Variants in COPG2 observed in about 807,000 individuals in gnomAD.
COPG2 encodes the protein coatomer subunit gamma-2.
A neutral mutation model predicts 46.3 loss-of-function variants in COPG2; 37 were observed. The observed-to-expected ratio is 0.80, with a 90% CI of 0.61 to 1.05. The LOEUF is 1.05. Ranked by LOEUF, COPG2 falls within the 50% of genes least tolerant of loss-of-function variation. The probability of loss-of-function intolerance (pLI) is 0.00; values close to 1 mark genes in which losing one functional copy is unlikely to be tolerated. For missense variants in COPG2, 427 were observed against 387.8 expected, an observed-to-expected ratio of 1.10 and a Z score of -0.85; for synonymous variants, 159 against 129.7, an observed-to-expected ratio of 1.23 and a Z score of -1.53.
chr7:130,604,107 G>C (rs1044174748), intron 9 of COPG2, among the ~76,000 whole-genome samples: 1 of 152,118 alleles, frequency 6.6e-6, no homozygotes, highest in African/African-American at 2.4e-5. Flanking sequence ...TGGAAGAGGA[G>C]GTCTTGATGT....
intron 3 of COPG2, among the ~76,000 whole-genome samples, chr7:130,666,420 G>T (rs1554461421): frequency 6.6e-6 from 1 of 152,100 alleles, no homozygotes; most frequent in Non-Finnish European, 1.5e-5. Flanking sequence ...AGGATCTCAT[G>T]AATAAAAAGG....
chr7:130,592,057 C>CA (rs1794439666), intron 9 of COPG2, among the ~76,000 whole-genome samples: 1 of 152,162 alleles, frequency 6.6e-6, no homozygotes, highest in Admixed American at 6.5e-5. Flanking sequence ...TCTGTACTAA[C>CA]AAAAAATTCT....
At chr7:130,564,040 C>A (rs1242987254) in intron 10 of COPG2, among the ~76,000 whole-genome samples, 1 of 151,652 alleles carries the variant, frequency 6.6e-6, no homozygotes, top group African/African-American at 2.4e-5. Context: ...AAATAAAATT[C>A]TTTCAAAAGT....
intron 6 of COPG2, among the ~76,000 whole-genome samples, chr7:130,616,398 G>T (rs1794949216): frequency 6.6e-6 from 1 of 151,838 alleles, no homozygotes; most frequent in African/African-American, 2.4e-5. Context: ...TCACACAGAA[G>T]AATAAAGTTT....
At chr7:130,544,813 A>C (rs1272119067) in intron 20 of COPG2, among the ~76,000 whole-genome samples, 1 of 152,142 alleles carries the variant, frequency 6.6e-6, no homozygotes, top group African/African-American at 2.4e-5. Flanking sequence ...GGAGGACGAA[A>C]GATAATAAGT....
chr7:130,620,106 C>A (rs1795013097), intron 5 of COPG2, among the ~76,000 whole-genome samples: 1 of 152,096 alleles, frequency 6.6e-6, no homozygotes, highest in South Asian at 2.1e-4. Flanking sequence ...TTTAAAAGTT[C>A]TCTTTTTTAA....
At chr7:130,631,376 T>TC (rs1795228509) in intron 5 of COPG2, among the ~76,000 whole-genome samples, 1 of 152,142 alleles carries the variant, frequency 6.6e-6, no homozygotes, top group Non-Finnish European at 1.5e-5. Flanking sequence ...CAGGCTGGTC[T>TC]CCAACTCCTG....
intron 9 of COPG2, among the ~76,000 whole-genome samples, chr7:130,609,367 T>C (rs782697258): frequency 1.3e-5 from 2 of 152,172 alleles, no homozygotes; most frequent in Non-Finnish European, 2.9e-5. Flanking sequence ...GTTTTAAAAA[T>C]GGGAGTTTCC....
At chr7:130,632,945 C>T (rs1795259388) in intron 5 of COPG2, among the ~76,000 whole-genome samples, 1 of 151,974 alleles carries the variant, frequency 6.6e-6, no homozygotes, top group Non-Finnish European at 1.5e-5. Context: ...CTCCCTGTGT[C>T]CATGTGTTCT....
At chr7:130,513,341 A>ATATATATATG (rs1215646008) in intron 20 of COPG2, among the ~76,000 whole-genome samples, 15 of 51,540 alleles carry the variant, frequency 2.9e-4, no homozygotes, top group South Asian at 6.7e-4. Context: ...ATATATATAT[A>ATATATATATG]TGTGTGTGTG....
At chr7:130,665,676 A>G (rs1796063142) in intron 3 of COPG2, among the ~76,000 whole-genome samples, 1 of 152,120 alleles carries the variant, frequency 6.6e-6, no homozygotes, top group Non-Finnish European at 1.5e-5. Context: ...TGCAAATACT[A>G]CACCATTTGT....
chr7:130,568,559 A>G (rs1303580004), intron 9 of COPG2, among the ~76,000 whole-genome samples: 3 of 152,216 alleles, frequency 2.0e-5, no homozygotes, highest in African/African-American at 4.8e-5. Context: ...CAAATTTATA[A>G]AACAATTACT....
chr7:130,507,463 G>A (rs563393562), intron 22 of COPG2, 91 bp from the exon 23 acceptor site: 2 of 752,414 alleles, frequency 2.7e-6, no homozygotes, highest in Admixed American at 1.8e-5. Context: ...TGGGGTGGAA[G>A]GGTTTGTTGG....
intron 9 of COPG2, among the ~76,000 whole-genome samples, chr7:130,573,263 G>A (rs1478574595): frequency 6.8e-6 from 1 of 148,082 alleles, no homozygotes; most frequent in Non-Finnish European, 1.5e-5. Context: ...AATTCTATCA[G>A]ATATTTAAAA....
intron 5 of COPG2, among the ~76,000 whole-genome samples, chr7:130,642,842 G>C (rs1554457559): frequency 6.6e-6 from 1 of 152,128 alleles, no homozygotes. Flanking sequence ...GGCCAACATG[G>C]TGAAACCACA....
chr7:130,546,756 A>G (rs1382040845), intron 20 of COPG2: 1 of 152,190 alleles, frequency 6.6e-6, no homozygotes, highest in African/African-American at 2.4e-5. Flanking sequence ...TTAAGCCCCA[A>G]ATGTAACTGA....
In COPG2 at chr7:130,668,614, C is replaced by T. The variant is rs782645964; in HGVS notation, c.37+18G>A. On this transcript the variant is annotated intron_variant, in intron 1 of 23. Coordinates refer to ENST00000425248, the MANE Select transcript of COPG2 (RefSeq NM_012133.6). ...GCGTCCCGCGGCTGAGGGTGGGCCT[C>T]GGAAGCCCCGCGCGTACCAGACTCC... 2 of 1,523,322 alleles carry T rather than the reference C, an allele frequency of 1.3e-6. No individual in the cohort carries two copies. Among genetic ancestry groups the T allele is most frequent in the African/African-American group, 2.9e-5 (2 of 69,010 alleles). 94.4% of individuals were successfully genotyped at this position (1,523,322 alleles called of 1,614,324 possible).
At chr7:130,588,122 C>T (rs1794319262) in intron 9 of COPG2, among the ~76,000 whole-genome samples, 1 of 150,802 alleles carries the variant, frequency 6.6e-6, no homozygotes, top group South Asian at 2.1e-4. Context: ...GTTAGAATGG[C>T]AATCATTAAA....
chr7:130,536,793 G>T (rs1031014052), intron 20 of COPG2, among the ~76,000 whole-genome samples: 1 of 152,196 alleles, frequency 6.6e-6, no homozygotes, highest in African/African-American at 2.4e-5. Flanking sequence ...GATTTCCAGC[G>T]CCTCGGTCCG....
Sources: gnomAD v4.1 joint callset for allele counts (sites outside exome capture counted in the v4.1 genomes callset) on GRCh38, gnomAD v4.1.1 for gene constraint, MANE v1.5 for transcripts, NCBI Gene and HGNC (gene_info 2026-07-23, HGNC 2026-07-21) for gene names.